The following ATP8B1 variants were observed in gnomAD, a reference collection of about 807,000 sequenced individuals.
ATP8B1 encodes the protein ATPase phospholipid transporting 8B1.
A neutral mutation model predicts 149.9 loss-of-function variants in ATP8B1; 80 were observed. The observed-to-expected ratio is 0.53, with a 90% CI of 0.45 to 0.64. The LOEUF (loss-of-function observed/expected upper bound fraction) is 0.64. Among genes scored for constraint, ATP8B1 ranks in the 30% least tolerant of loss-of-function variants. The pLI, the probability that ATP8B1 is intolerant of heterozygous loss-of-function variation, is 0.00. For synonymous variants in ATP8B1, 536 were observed against 562.8 expected, an observed-to-expected ratio of 0.95 and a Z score of 0.67; for missense variants, 1,247 against 1,552.6, an observed-to-expected ratio of 0.80 and a Z score of 3.31.
At chr18:57,712,744 G>C (rs924758433) in intron 2 of ATP8B1, among the ~76,000 whole-genome samples, 1 of 151,634 alleles carries the variant, frequency 6.6e-6, no homozygotes, top group African/African-American at 2.4e-5. Flanking sequence ...TCTTCCTTCT[G>C]CTTGAGGAGA....
intron 1 of ATP8B1, chr18:57,737,707 A>T (rs1448177235): frequency 6.6e-6 from 1 of 152,074 alleles, no homozygotes; most frequent in African/African-American, 2.4e-5. Context: ...CATTAAGTGC[A>T]TTTATACAAA....
In ATP8B1 at chr18:57,671,674, G is replaced by A. The variant is rs150308873; in HGVS notation, c.1820-94C>T. ...GTCTTGCTCTGTTGTCCAGGCTGGA[G>A]TGCAGCAGTTCAGTATCGGCTCACT... is the stretch of plus-strand genomic sequence containing the variant. On this transcript the variant is annotated intron_variant, in intron 16 of 27. Transcript: ENST00000648908. 2,625 of 865,442 alleles carry A rather than the reference G, an allele frequency of 3.0e-3. 68 individuals are homozygous for A. In the East Asian group the frequency reaches 0.051, roughly 17 times the overall value. 53.6% of individuals were successfully genotyped at this position (865,442 alleles called of 1,614,324 possible). A position where few individuals can be genotyped will look rare whatever the true frequency, so the allele number is the denominator to read the frequency against.
chr18:57,711,646 G>A (rs976894676), intron 2 of ATP8B1, among the ~76,000 whole-genome samples: 2 of 152,142 alleles, frequency 1.3e-5, no homozygotes, highest in African/African-American at 4.8e-5. Context: ...GGGCTGGAGT[G>A]CAGTGGCATG....
intron 13 of ATP8B1, 81 bp downstream of exon 13, chr18:57,688,218 G>T: frequency 6.9e-7 from 1 of 1,453,296 alleles, no homozygotes. Context: ...AATGCCAGGA[G>T]ACAGGCTATA....
At chr18:57,707,473 G>C (rs1480912335) in intron 2 of ATP8B1, among the ~76,000 whole-genome samples, 1 of 152,080 alleles carries the variant, frequency 6.6e-6, no homozygotes, top group Admixed American at 6.6e-5. Flanking sequence ...AATGAGTGTG[G>C]CACAACTATT....
chr18:57,670,017 G>A (rs529524518), intron 17 of ATP8B1, among the ~76,000 whole-genome samples: 1 of 152,140 alleles, frequency 6.6e-6, no homozygotes, highest in Non-Finnish European at 1.5e-5. Context: ...AGTTTCCAAA[G>A]GGAAAAGCTT....
intron 1 of ATP8B1, among the ~76,000 whole-genome samples, chr18:57,788,555 C>CAAAA (rs111696334): frequency 0.019 from 2,605 of 138,324 alleles, 78 homozygotes; most frequent in African/African-American, 0.065. Context: ...ACTCTTATCT[C>CAAAA]AAAAAAAAAA....
In ATP8B1 at chr18:57,652,649, T is replaced by A; in HGVS notation, c.3096A>T (p.Arg1032Ser). Reference sequence around the variant, plus strand: ...CCCCATGCAACAAGCTTACAAAGAATCTCTTATAGTTGAATAGTAAGTCTC... The same window carrying A: ...CCCCATGCAACAAGCTTACAAAGAAACTCTTATAGTTGAATAGTAAGTCTC... ...GQRDLLFNYK[R>S]FFVSLLHGVL... The change falls in exon 25 of 28, where the codon AGA (arginine) becomes AGT (serine). Residue 1032 changes from arginine to serine, a missense_variant. This residue lies in a region of ATP8B1 where 230 missense variants were observed against 356.6 expected (regional missense o/e 0.65). Transcript: ENST00000648908. 16 of 1,614,164 alleles carry A rather than the reference T, an allele frequency of 9.9e-6. No individual in the cohort carries two copies. The highest frequency in any genetic ancestry group is 1.3e-5 in the Non-Finnish European group (15 of 1,180,010).
intron 1 of ATP8B1, among the ~76,000 whole-genome samples, chr18:57,777,815 C>T (rs1398888103): frequency 6.6e-6 from 1 of 152,218 alleles, no homozygotes; most frequent in Non-Finnish European, 1.5e-5. Context: ...AGCGATCCTC[C>T]TACCTTGGCT....
intron 2 of ATP8B1, among the ~76,000 whole-genome samples, chr18:57,725,446 C>G (rs1207251931): frequency 6.6e-6 from 1 of 151,966 alleles, no homozygotes; most frequent in Non-Finnish European, 1.5e-5. Context: ...GTTAAAATGT[C>G]CACACTGCCC....
At chr18:57,780,930 A>C (rs893196481) in intron 1 of ATP8B1, among the ~76,000 whole-genome samples, 5 of 152,196 alleles carry the variant, frequency 3.3e-5, no homozygotes, top group African/African-American at 1.2e-4. Flanking sequence ...GAATTTCTAC[A>C]GAAGACAATT....
intron 1 of ATP8B1, among the ~76,000 whole-genome samples, chr18:57,754,742 G>C (rs1230367378): frequency 3.3e-5 from 5 of 152,162 alleles, no homozygotes. Flanking sequence ...ACTTTCGTGT[G>C]TTGAATCATT....
intron 2 of ATP8B1, among the ~76,000 whole-genome samples, chr18:57,730,776 TG>T (rs1489790342): frequency 6.6e-6 from 1 of 151,940 alleles, no homozygotes; most frequent in African/African-American, 2.4e-5. Context: ...CCTCTGATGC[TG>T]GCCTGACCCT....
chr18:57,766,641 CAG>C (rs1414888984), intron 1 of ATP8B1, among the ~76,000 whole-genome samples: 2 of 152,184 alleles, frequency 1.3e-5, no homozygotes, highest in African/African-American at 2.4e-5. Context: ...ATTTCTGACT[CAG>C]GGGGACTGGG....
rs1471154074 is a variant in ATP8B1 at position 57,704,700 on chromosome 18, A to G, written c.280-32T>C. 6 of 1,384,344 alleles carry G rather than the reference A, an allele frequency of 4.3e-6. No individual in the cohort carries two copies. The East Asian group carries it at 1.1e-4, about 26-fold the overall frequency. The allele number at this position is 1,384,344 out of a possible 1,614,324, so 85.8% of individuals were successfully genotyped here. A position where few individuals can be genotyped will look rare whatever the true frequency, so the allele number is the denominator to read the frequency against. The stretch of plus-strand genomic sequence containing the variant: ...GAAAAAATAAGAGTCATTCTAAATG[A>G]TGCTGTATTTATCACAATGTATACA... On this transcript the variant is annotated intron_variant, in intron 3 of 27. Coordinates refer to ENST00000648908, the MANE Select transcript of ATP8B1 (RefSeq NM_001374385.1).
intron 24 of ATP8B1, among the ~76,000 whole-genome samples, chr18:57,653,263 CT>C (rs1370463208): frequency 6.9e-6 from 1 of 144,868 alleles, no homozygotes. Context: ...TCTCGGGTGC[CT>C]TTTTTTCCTT....
intron 2 of ATP8B1, among the ~76,000 whole-genome samples, chr18:57,730,888 C>T (rs1007914415): frequency 1.3e-5 from 2 of 151,956 alleles, no homozygotes; most frequent in Admixed American, 6.6e-5. Flanking sequence ...TAACTCATAC[C>T]GCCAATTTAA....
intron 1 of ATP8B1, among the ~76,000 whole-genome samples, chr18:57,790,362 C>G (rs2080452186): frequency 6.8e-6 from 1 of 146,236 alleles, no homozygotes; most frequent in Non-Finnish European, 1.5e-5. Context: ...TCTGGATTAT[C>G]AAACAAAACC....
At chr18:57,677,551 A>ACCTT (rs3831473) in intron 15 of ATP8B1, among the ~76,000 whole-genome samples, 4 of 151,776 alleles carry the variant, frequency 2.6e-5, no homozygotes, top group Middle Eastern at 3.4e-3. Context: ...AGCTAAACAC[A>ACCTT]CCTTCCTTCC....
Sources: gnomAD v4.1 joint callset for allele counts (sites outside exome capture counted in the v4.1 genomes callset) on GRCh38, gnomAD v4.1.1 for gene constraint, gnomAD v4.1.1 regional missense constraint, MANE v1.5 for transcripts, NCBI Gene and HGNC (gene_info 2026-07-23, HGNC 2026-07-21) for gene names.